The following PDE6B variants were observed in gnomAD, a reference collection of about 807,000 sequenced individuals.
PDE6B encodes phosphodiesterase 6B, also known as rod cGMP-specific 3',5'-cyclic phosphodiesterase subunit beta.
PDE6B carries 106 observed loss-of-function variants against 109.0 expected under a neutral mutation model. That is an observed-to-expected ratio of 0.97 (90% confidence interval 0.83 to 1.14). The LOEUF is 1.14. Among genes scored for constraint, PDE6B ranks in the 50% most tolerant of loss-of-function variants. The pLI, the probability that PDE6B is intolerant of heterozygous loss-of-function variation, is 0.00. For synonymous variants in PDE6B, 490 were observed against 471.3 expected, an observed-to-expected ratio of 1.04 and a Z score of -0.51; for missense variants, 1,193 against 1,155.6, an observed-to-expected ratio of 1.03 and a Z score of -0.47.
chr4:656,250 T>C lies in PDE6B; in HGVS notation c.1065T>C (p.Cys355=). The change falls in exon 8 of 22, where the codon TGT becomes TGC. Residue 355 remains cysteine, a synonymous_variant. Coordinates refer to ENST00000496514, the MANE Select transcript of PDE6B (RefSeq NM_000283.4). Reference sequence around the variant, plus strand: ...TTTTTCTGATGCTTTTTCAGATTTGTAACATCATGAATGCTTCCGCTGACG... The same window carrying C: ...TTTTTCTGATGCTTTTTCAGATTTGCAACATCATGAATGCTTCCGCTGACG... ...PSYVAESGFI[C]NIMNASADEM... The C allele has an allele frequency of 6.3e-7, 1 of 1,595,748 alleles. No individual in the cohort carries two copies. The highest frequency in any genetic ancestry group is 8.6e-7 in the Non-Finnish European group (1 of 1,163,428).
Position 658,941 on chromosome 4 carries a change from T to A in PDE6B, c.1402-11T>A, listed in dbSNP as rs1248203917. On this transcript the variant is annotated splice_polypyrimidine_tract_variant and intron_variant, in intron 10 of 21. Coordinates refer to ENST00000496514, the MANE Select transcript of PDE6B (RefSeq NM_000283.4). ...AGCTCTTTCTCGTGACACATCTGTG[T>A]CTCTGTGTAGCCAACCAGAGCGCGC... The A allele has an allele frequency of 6.2e-7, 1 of 1,604,408 alleles. No homozygotes were observed. Among genetic ancestry groups the A allele is most frequent in the Non-Finnish European group, 8.5e-7 (1 of 1,171,582 alleles).
chr4:640,273 C>T, intron 3 of PDE6B, among the ~76,000 whole-genome samples: 1 of 152,104 alleles, frequency 6.6e-6, no homozygotes, highest in East Asian at 1.9e-4. Context: ...GGCGTGGTGG[C>T]TCATGTAATC....
Position 662,069 on chromosome 4 carries a change from A to C in PDE6B, c.1615-65A>C, listed in dbSNP as rs1737163181. 1.3e-6 allele frequency: 1 copy of C among 776,148 alleles called. No individual in the cohort carries two copies. Among genetic ancestry groups the C allele is most frequent in the Admixed American group, 2.0e-5 (1 of 50,044 alleles). The allele number at this position is 776,148 out of a possible 1,614,324, so 48.1% of individuals were successfully genotyped here. On this transcript the variant is annotated intron_variant, in intron 12 of 21. Coordinates refer to ENST00000496514, the MANE Select transcript of PDE6B (RefSeq NM_000283.4). This position sits in a 1 kb window ranked among gnomAD's most constrained non-coding sequence, Gnocchi z 4.3. ...GGGCTTCCACTGTGAAGTCAGCCAC[A>C]GGTGCCGCTCTGGCGGGACTTACAC...
In PDE6B at chr4:658,997, G is replaced by C; in HGVS notation, c.1447G>C (p.Asp483His). 1 of 1,613,562 alleles carries C rather than the reference G, an allele frequency of 6.2e-7. No individual in the cohort carries two copies. Among genetic ancestry groups the C allele is most frequent in the South Asian group, 1.1e-5 (1 of 91,086 alleles). ...GAAGGAGCCTGCTGACTGCGATGAG[G>C]ACGAGCTGGGCGAAATCCTGGTAAG... is the stretch of plus-strand genomic sequence containing the variant. ...LGKEPADCDEDELGEILKEEL... is the reference protein window; with the variant it reads ...LGKEPADCDEHELGEILKEEL... Residue 483 changes from aspartate (D) to histidine (H), a missense_variant, in exon 11 of 22, where the codon GAC becomes CAC. Coordinates refer to ENST00000496514, the MANE Select transcript of PDE6B (RefSeq NM_000283.4).
chr4:634,452 G>T (rs530541702), intron 1 of PDE6B, among the ~76,000 whole-genome samples: 3 of 152,292 alleles, frequency 2.0e-5, no homozygotes, highest in Admixed American at 2.0e-4. Flanking sequence ...AGCACTGGGG[G>T]GCACCAGCAT....
intron 3 of PDE6B, among the ~76,000 whole-genome samples, chr4:646,305 C>T (rs1735195950): frequency 6.6e-6 from 1 of 151,996 alleles, no homozygotes. Context: ...ACTTCACTCT[C>T]CTCTTGCTCG....
At chr4:669,900 C>G in intron 21 of PDE6B, 146 bp from the exon 22 acceptor site, 2 of 737,408 alleles carry the variant, frequency 2.7e-6, no homozygotes, top group Non-Finnish European at 5.0e-6. Context: ...AAGGCTCAGC[C>G]CAGCTAATCG....
intron 3 of PDE6B, among the ~76,000 whole-genome samples, chr4:637,251 G>T (rs540836622): frequency 6.6e-5 from 10 of 150,976 alleles, no homozygotes; most frequent in African/African-American, 2.2e-4. Flanking sequence ...TTATGTTTTT[G>T]GTTTTTGTTT....
rs1012840577 is a variant in PDE6B, at chr4:648,750, C to G, written c.712-5102C>G. 6.6e-6 allele frequency among the ~76,000 whole-genome samples: 1 copy of G among 152,258 alleles called. No homozygotes were observed. The stretch of plus-strand genomic sequence containing the variant: ...GTTCGGCTTAGTGGAGCAATTCTCA[C>G]CGCCCAGCTGTCTGAGCTGCAGCAA... On this transcript the variant is annotated intron_variant, in intron 3 of 21. Coordinates refer to ENST00000496514, the MANE Select transcript of PDE6B (RefSeq NM_000283.4). The surrounding 1 kb of genome is among the most constrained non-coding windows in gnomAD (Gnocchi z 4.5).
chr4:669,566 CA>C (rs1418726042), intron 21 of PDE6B, among the ~76,000 whole-genome samples: 2 of 69,708 alleles, frequency 2.9e-5, no homozygotes, highest in African/African-American at 7.4e-5. Flanking sequence ...ATGCTATTCC[CA>C]CTACCCCATG....
intron 1 of PDE6B, among the ~76,000 whole-genome samples, chr4:628,593 G>A (rs530076657): frequency 8.5e-5 from 13 of 152,248 alleles, no homozygotes; most frequent in Non-Finnish European, 1.5e-4. Flanking sequence ...CAGGCCCCGG[G>A]TAACCCGCTC....
chr4:627,432 C>G (rs1042062531), intron 1 of PDE6B, among the ~76,000 whole-genome samples: 66 of 152,118 alleles, frequency 4.3e-4, no homozygotes, highest in African/African-American at 1.6e-3. Context: ...AGGCGTGAGC[C>G]ACCGCACCAG....
intron 3 of PDE6B, among the ~76,000 whole-genome samples, chr4:645,525 G>A (rs1190764703): frequency 6.6e-6 from 1 of 151,628 alleles, no homozygotes; most frequent in Non-Finnish European, 1.5e-5. Flanking sequence ...TCGATCTCCT[G>A]ACCTCGTGAT....
chr4:645,517 G>A (rs1329081850), intron 3 of PDE6B, among the ~76,000 whole-genome samples: 2 of 151,422 alleles, frequency 1.3e-5, no homozygotes, highest in Non-Finnish European at 2.9e-5. Context: ...GGATGGTCTC[G>A]ATCTCCTGAC....
chr4:658,072 TCCATC>T (rs1736568937), intron 10 of PDE6B, among the ~76,000 whole-genome samples: 1 of 78,104 alleles, frequency 1.3e-5, no homozygotes, highest in Non-Finnish European at 2.4e-5. Flanking sequence ...CGTCCAGGGG[TCCATC>T]CAGGGGTCAC....
In PDE6B at chr4:626,040, C is replaced by T. The variant is rs748297420; in HGVS notation, c.414C>T (p.Val138=). Residue 138 remains valine (V), a synonymous_variant, in exon 1 of 22, where the codon GTC becomes GTT. Transcript: ENST00000496514. This position sits in a 1 kb window ranked among gnomAD's most constrained non-coding sequence, Gnocchi z 4.6. ...TCGTCTTCCCACTGGACATCGGGGT[C>T]GTGGGCCACGTGGCTCAGACCAAAA... ...SEIVFPLDIG[V]VGHVAQTKKM... is the part of the protein sequence containing the mutation. 2.6e-5 allele frequency: 41 copies of T among 1,594,694 alleles called. No homozygotes were observed. In the Admixed American group the frequency reaches 5.2e-4, roughly 20 times the overall value.
rs527274556 is a variant in PDE6B, at chr4:653,147, G to A, written c.712-705G>A. On this transcript the variant is annotated intron_variant, in intron 3 of 21. Coordinates refer to ENST00000496514, the MANE Select transcript of PDE6B (RefSeq NM_000283.4). ...AGTGCCAGGGGGTGGAACTTCAGAGGGCCTGGCAGGGAGAGAGCTGGGCTA... is the reference window on the plus strand; with the variant it reads ...AGTGCCAGGGGGTGGAACTTCAGAGAGCCTGGCAGGGAGAGAGCTGGGCTA... 1.9e-4 allele frequency: 192 copies of A among 990,386 alleles called. No homozygotes were observed. In the African/African-American group the frequency reaches 2.2e-3, roughly 11 times the overall value. 61.3% of individuals were successfully genotyped at this position (990,386 alleles called of 1,614,324 possible).
chr4:629,899 T>C (rs554124689), intron 1 of PDE6B, among the ~76,000 whole-genome samples: 82 of 152,058 alleles, frequency 5.4e-4, no homozygotes, highest in Non-Finnish European at 1.0e-3. Context: ...CCAGGCCTGC[T>C]AGAGGCAGAG....
chr4:640,482 T>C (rs1057380505), intron 3 of PDE6B, among the ~76,000 whole-genome samples: 2 of 152,044 alleles, frequency 1.3e-5, no homozygotes, highest in Non-Finnish European at 2.9e-5. Flanking sequence ...GAGGTTGCAG[T>C]GAGCTGAGAT....
Sources: gnomAD v4.1 joint callset for allele counts (sites outside exome capture counted in the v4.1 genomes callset) on GRCh38, gnomAD v4.1.1 for gene constraint, Gnocchi (gnomAD v3.1) non-coding constraint, MANE v1.5 for transcripts, NCBI Gene and HGNC (gene_info 2026-07-23, HGNC 2026-07-21) for gene names.